ST3GAL3: variants seen among roughly 807,000 people sequenced by gnomAD.
The protein encoded by ST3GAL3 is ST3 beta-galactoside alpha-2,3-sialyltransferase 3.
In ST3GAL3, 21 loss-of-function variants were observed where a neutral mutation model predicts 50.1. The ratio of observed to expected loss-of-function variants is 0.42; its 90% CI spans 0.30 to 0.60. ST3GAL3 has a LOEUF of 0.60. ST3GAL3 is among the 20% of genes least tolerant of loss of function. The pLI is 0.19. For synonymous variants in ST3GAL3, 183 were observed against 190.0 expected (o/e 0.96, Z 0.30); for missense variants, 353 against 489.4 (o/e 0.72, Z 2.63).
chr1:43,860,174 A>G (rs1401006697), intron 5 of ST3GAL3, among the ~76,000 whole-genome samples: 1 of 152,218 alleles, frequency 6.6e-6, no homozygotes, highest in Admixed American at 6.5e-5. Flanking sequence ...CCTGATGGAA[A>G]GAATCCTTCC....
At chr1:43,784,621 G>A (rs796404393) in intron 2 of ST3GAL3, among the ~76,000 whole-genome samples, 5 of 152,310 alleles carry the variant, frequency 3.3e-5, no homozygotes, top group African/African-American at 1.2e-4. Context: ...AAAGCTCTTT[G>A]ATGTCAGATA....
intron 5 of ST3GAL3, among the ~76,000 whole-genome samples, chr1:43,877,923 A>G (rs1196927908): frequency 6.6e-6 from 1 of 152,216 alleles, no homozygotes; most frequent in Non-Finnish European, 1.5e-5. Context: ...CTTCCCTTCC[A>G]GGAATCCCAT....
chr1:43,787,311 A>G (rs746051380), intron 2 of ST3GAL3, among the ~76,000 whole-genome samples: 10 of 152,234 alleles, frequency 6.6e-5, no homozygotes, highest in Non-Finnish European at 1.2e-4. Flanking sequence ...AAGTCTGGAT[A>G]TTCTTGCTCT....
intron 9 of ST3GAL3, among the ~76,000 whole-genome samples, chr1:43,916,305 G>C (rs2081788679): frequency 1.3e-5 from 2 of 152,184 alleles, no homozygotes; most frequent in Non-Finnish European, 2.9e-5. Flanking sequence ...AAGATGATAA[G>C]ACCTGCCCTG....
At chr1:43,730,193 ATAAAACAGGTGATT>A (rs2154082859) in intron 1 of ST3GAL3, among the ~76,000 whole-genome samples, 1 of 152,324 alleles carries the variant, frequency 6.6e-6, no homozygotes, top group East Asian at 1.9e-4. Flanking sequence ...AAAGACTGAA[ATAAAACAGGTGATT>A]ACTTCAGCCT....
chr1:43,830,251 G>T (rs912950741), intron 4 of ST3GAL3, among the ~76,000 whole-genome samples: 1 of 151,730 alleles, frequency 6.6e-6, no homozygotes, highest in Non-Finnish European at 1.5e-5. Context: ...GTTGCCTCTG[G>T]TCTCAAACTC....
chr1:43,865,326 C>A (rs2071077168), intron 5 of ST3GAL3, among the ~76,000 whole-genome samples: 1 of 152,124 alleles, frequency 6.6e-6, no homozygotes, highest in South Asian at 2.1e-4. Flanking sequence ...TCATAACATT[C>A]TTATTTATAA....
intron 2 of ST3GAL3, among the ~76,000 whole-genome samples, chr1:43,766,743 T>C (rs1235113243): frequency 1.3e-5 from 2 of 152,106 alleles, no homozygotes; most frequent in Non-Finnish European, 2.9e-5. Flanking sequence ...GGTGGAAAAG[T>C]AGTGTTCTGG....
chr1:43,785,118 G>A (rs1047549135), intron 2 of ST3GAL3, among the ~76,000 whole-genome samples: 2 of 152,138 alleles, frequency 1.3e-5, no homozygotes, highest in African/African-American at 4.8e-5. Flanking sequence ...TAAGACTGGG[G>A]GGGTTAGATC....
At position 43,926,316 on chromosome 1, in the gene ST3GAL3, C is replaced by A. The variant is rs755899849; in HGVS notation, c.1039-3816C>A. On this transcript the variant is annotated intron_variant, in intron 11 of 11. Transcript: ENST00000347631. ...AAGAAAAAGAGCTTCTGGCCGGGCGCGGTCCCTCACGCCTGTAATCCCAGC... is the reference window on the plus strand; with the variant it reads ...AAGAAAAAGAGCTTCTGGCCGGGCGAGGTCCCTCACGCCTGTAATCCCAGC... 4.6e-5 allele frequency among the ~76,000 whole-genome samples: 7 copies of A among 152,152 alleles called. No individual in the cohort carries two copies. In the South Asian group the frequency reaches 1.4e-3, roughly 31 times the overall value.
chr1:43,833,210 C>A (rs898576576), intron 4 of ST3GAL3, among the ~76,000 whole-genome samples: 1 of 152,172 alleles, frequency 6.6e-6, no homozygotes, highest in African/African-American at 2.4e-5. Context: ...TGGCCATCAC[C>A]CCACTTCCCC....
intron 2 of ST3GAL3, among the ~76,000 whole-genome samples, chr1:43,746,412 C>A (rs1213687756): frequency 6.6e-6 from 1 of 151,174 alleles, no homozygotes; most frequent in Non-Finnish European, 1.5e-5. Flanking sequence ...AATGGATGTA[C>A]AACAGTGTGA....
rs952654025 is a variant in ST3GAL3, at chr1:43,736,513, C to T, written c.118+133C>T. 4.6e-6 allele frequency: 7 copies of T among 1,532,348 alleles called. No individual in the cohort carries two copies. In the Admixed American group the frequency reaches 5.1e-5, roughly 11 times the overall value. 94.9% of individuals were successfully genotyped at this position (1,532,348 alleles called of 1,614,324 possible). A position where few individuals can be genotyped will look rare whatever the true frequency, so the allele number is the denominator to read the frequency against. On this transcript the variant is annotated intron_variant, in intron 2 of 11. Transcript: ENST00000347631. Reference sequence around the variant, plus strand: ...AACTGAACATTTCTGGGACTTTGGCCTAGAAATTGCCTGCCATTTTAGCTG... The same window carrying T: ...AACTGAACATTTCTGGGACTTTGGCTTAGAAATTGCCTGCCATTTTAGCTG...
chr1:43,752,936 T>C (rs1686718508), intron 2 of ST3GAL3, among the ~76,000 whole-genome samples: 1 of 152,244 alleles, frequency 6.6e-6, no homozygotes, highest in South Asian at 2.1e-4. Context: ...TATAAATCTT[T>C]AAAAGATTAT....
At chr1:43,780,805 AT>A (rs796160841) in intron 2 of ST3GAL3, among the ~76,000 whole-genome samples, 11 of 148,384 alleles carry the variant, frequency 7.4e-5, no homozygotes, top group East Asian at 2.0e-4. Context: ...GAGTTTAATG[AT>A]TTTTTTTTTC....
At chr1:43,784,710 T>C (rs4660750) in intron 2 of ST3GAL3, among the ~76,000 whole-genome samples, 137,795 of 152,298 alleles carry the variant, frequency 0.9, 62,582 homozygotes, top group African/African-American at 0.97. Flanking sequence ...TTAATGAAAG[T>C]TAAGGAGAAA....
At position 43,894,345 on chromosome 1, in the gene ST3GAL3, G is replaced by A. The variant is rs1398291420; in HGVS notation, c.303-38G>A. On this transcript the variant is annotated intron_variant, in intron 5 of 11. Transcript: ENST00000347631. ...AGTGCCACCAGTAATCCAGACTGTTGCGTTTTTGTGATCCTCAGCAGTCCT... is the reference window on the plus strand; with the variant it reads ...AGTGCCACCAGTAATCCAGACTGTTACGTTTTTGTGATCCTCAGCAGTCCT... 2.5e-6 allele frequency: 4 copies of A among 1,600,660 alleles called. No individual in the cohort carries two copies. In the East Asian group the frequency reaches 6.7e-5, roughly 27 times the overall value.
At chr1:43,824,943 C>A in intron 4 of ST3GAL3, 1 of 718,122 alleles carries the variant, frequency 1.4e-6, no homozygotes, top group South Asian at 1.5e-5. Flanking sequence ...ATAAAAGATT[C>A]TGTTTCCTGT....
intron 3 of ST3GAL3, among the ~76,000 whole-genome samples, chr1:43,807,521 G>T (rs2060044670): frequency 6.6e-6 from 1 of 152,192 alleles, no homozygotes; most frequent in South Asian, 2.1e-4. Flanking sequence ...TTTGTTCTGA[G>T]AACAGTAGAA....
Sources: gnomAD v4.1 joint callset for allele counts (sites outside exome capture counted in the v4.1 genomes callset) on GRCh38, gnomAD v4.1.1 for gene constraint, MANE v1.5 for transcripts, NCBI Gene and HGNC (gene_info 2026-07-23, HGNC 2026-07-21) for gene names.